PBX1: variants seen among roughly 807,000 people sequenced by gnomAD.
The protein encoded by PBX1 is pre-B-cell leukemia transcription factor 1.
In PBX1, 6 loss-of-function variants were observed where a neutral mutation model predicts 53.4. That is an observed-to-expected ratio of 0.11 (90% CI 0.06 to 0.22). The LOEUF (loss-of-function observed/expected upper bound fraction) is 0.22. PBX1 is among the 10% of genes least tolerant of loss of function. The pLI is 1.00. For missense variants in PBX1, 251 were observed against 551.4 expected, an observed-to-expected ratio of 0.46 and a Z score of 5.46; for synonymous variants, 204 against 212.3, an observed-to-expected ratio of 0.96 and a Z score of 0.34.
intron 2 of PBX1, among the ~76,000 whole-genome samples, chr1:164,778,490 A>C (rs1358085626): frequency 1.3e-5 from 2 of 152,122 alleles, no homozygotes; most frequent in Non-Finnish European, 2.9e-5. Flanking sequence ...CAGAAAAAGT[A>C]GCCGGGCGTG....
chr1:164,755,232 C>G (rs1039755020), intron 2 of PBX1, among the ~76,000 whole-genome samples: 6 of 152,268 alleles, frequency 3.9e-5, no homozygotes, highest in African/African-American at 1.4e-4. Context: ...ACAATCTTGA[C>G]CTCCGCCTCC....
chr1:164,757,907 A>G (rs1666615005), intron 2 of PBX1, among the ~76,000 whole-genome samples: 1 of 152,212 alleles, frequency 6.6e-6, no homozygotes, highest in South Asian at 2.1e-4. Context: ...AAGACCAAGT[A>G]CATACTCCCA....
chr1:164,820,020 G>T (rs759037198), intron 6 of PBX1, 52 bp from the exon 7 acceptor site: 27 of 1,129,366 alleles, frequency 2.4e-5, no homozygotes, highest in Non-Finnish European at 3.5e-5. Context: ...TAGTTGCGGG[G>T]TTTGAGCCTT....
intron 2 of PBX1, among the ~76,000 whole-genome samples, chr1:164,723,966 A>G (rs1664542594): frequency 6.6e-6 from 1 of 152,196 alleles, no homozygotes; most frequent in Admixed American, 6.5e-5. Flanking sequence ...TCCAAATAAT[A>G]TAATCTGCAT....
rs140614814 is a variant in PBX1 at position 164,872,274 on chromosome 1, C to A, written n.258-26914C>A. ...GGGGAGTTCACTCCCTCTCCATGTGCGGACAGCATTCATGGTTAGAGGCAT... is the reference window on the plus strand; with the variant it reads ...GGGGAGTTCACTCCCTCTCCATGTGAGGACAGCATTCATGGTTAGAGGCAT... On this transcript the variant is annotated intron_variant and non_coding_transcript_variant, in intron 2 of 2. Transcript: ENST00000558796. Among the ~76,000 whole-genome samples the A allele has an allele frequency of 5.3e-4, 81 of 152,282 alleles. 1 individual carries two copies. Among genetic ancestry groups the A allele is most frequent in the Admixed American group, 5.9e-4 (9 of 15,300 alleles).
At chr1:164,708,025 G>A (rs1780341) in intron 2 of PBX1, among the ~76,000 whole-genome samples, 101,941 of 152,042 alleles carry the variant, frequency 0.67, 35,150 homozygotes, top group East Asian at 0.87. Context: ...CAGATTTGAT[G>A]GCCTGGATTT....
chr1:164,619,490 G>A (rs1315236600), intron 2 of PBX1, among the ~76,000 whole-genome samples: 1 of 152,048 alleles, frequency 6.6e-6, no homozygotes, highest in Non-Finnish European at 1.5e-5. Context: ...TCAAGGAGAG[G>A]AAAATGACCT....
intron 2 of PBX1, among the ~76,000 whole-genome samples, chr1:164,786,764 T>C (rs1169789300): frequency 6.7e-6 from 1 of 149,746 alleles, no homozygotes; most frequent in African/African-American, 2.5e-5. Flanking sequence ...ATCACATCCA[T>C]GTAGCTGCCT....
intron 2 of PBX1, among the ~76,000 whole-genome samples, chr1:164,757,116 C>T (rs1666569725): frequency 2.0e-5 from 3 of 151,820 alleles, no homozygotes; most frequent in South Asian, 4.2e-4. Flanking sequence ...AAGAGGAGAG[C>T]AGAGGACATA....
chr1:164,677,741 A>C (rs768269953), intron 2 of PBX1, among the ~76,000 whole-genome samples: 3 of 152,014 alleles, frequency 2.0e-5, no homozygotes, highest in Non-Finnish European at 4.4e-5. Context: ...CACATGGTGT[A>C]GTAAGAGGGG....
intron 2 of PBX1, among the ~76,000 whole-genome samples, chr1:164,716,329 T>A (rs1664078233): frequency 6.6e-6 from 1 of 152,110 alleles, no homozygotes; most frequent in Admixed American, 6.5e-5. Flanking sequence ...AATAAGATCC[T>A]TACCCCCTTG....
At chr1:164,876,876 T>A (rs564866914) in intron 2 of PBX1, among the ~76,000 whole-genome samples, 27 of 152,212 alleles carry the variant, frequency 1.8e-4, no homozygotes, top group African/African-American at 6.3e-4. Context: ...CATCCTCCTT[T>A]AGGGCTACAC....
intron 2 of PBX1, chr1:164,625,798 C>T (rs1021077731): frequency 4.4e-5 from 13 of 292,808 alleles, no homozygotes; most frequent in African/African-American, 2.8e-4. Context: ...AATGAGATCC[C>T]TGATGGGATT....
chr1:164,650,197 A>G (rs575913946), intron 2 of PBX1, among the ~76,000 whole-genome samples: 1 of 150,760 alleles, frequency 6.6e-6, no homozygotes. Context: ...ACTCTTAGGC[A>G]TCTGGTGTAA....
chr1:164,812,371 A>G (rs996508293), intron 6 of PBX1, among the ~76,000 whole-genome samples: 16 of 152,226 alleles, frequency 1.1e-4, no homozygotes, highest in Non-Finnish European at 1.5e-5. Flanking sequence ...GGAGGTTTGC[A>G]TTAATTTGTC....
At chr1:164,812,696 G>GT (rs1352508577) in intron 6 of PBX1, 1 of 152,038 alleles carries the variant, frequency 6.6e-6, no homozygotes, top group Non-Finnish European at 1.5e-5. Flanking sequence ...GTTCTTTATT[G>GT]TTTTTTGTTG....
intron 2 of PBX1, among the ~76,000 whole-genome samples, chr1:164,731,594 C>T (rs551325771): frequency 2.0e-5 from 3 of 152,272 alleles, no homozygotes; most frequent in Admixed American, 1.3e-4. Flanking sequence ...AATGAGGCTG[C>T]CAGCAACAGG....
intron 2 of PBX1, among the ~76,000 whole-genome samples, chr1:164,708,045 A>C (rs1663544778): frequency 6.6e-6 from 1 of 152,064 alleles, no homozygotes; most frequent in Non-Finnish European, 1.5e-5. Context: ...TTGCTTTTCC[A>C]CACCTGTCCC....
At chr1:164,818,659 G>A (rs919106700) in intron 6 of PBX1, 14 of 147,272 alleles carry the variant, frequency 9.5e-5, no homozygotes, top group Non-Finnish European at 1.8e-4. Flanking sequence ...ATGTTGAGTT[G>A]TCCCCAGGTT....
Sources: allele counts gnomAD v4.1 joint callset (sites outside exome capture counted in the v4.1 genomes callset), GRCh38; gene constraint gnomAD v4.1.1; transcripts MANE v1.5; gene names NCBI Gene and HGNC (gene_info 2026-07-23, HGNC 2026-07-21).